Variants in TMEM132D observed in about 807,000 individuals in gnomAD.
TMEM132D encodes the protein transmembrane protein 132D.
A neutral mutation model predicts 62.3 loss-of-function variants in TMEM132D; 21 were observed. The ratio of observed to expected loss-of-function variants is 0.34; its 90% CI spans 0.24 to 0.49. The LOEUF is 0.49. Among genes scored for constraint, TMEM132D ranks in the 20% least tolerant of loss-of-function variants. TMEM132D has a pLI of 0.99. For synonymous variants in TMEM132D, 621 were observed against 575.6 expected, an observed-to-expected ratio of 1.08 and a Z score of -1.13; for missense variants, 1,346 against 1,402.8, an observed-to-expected ratio of 0.96 and a Z score of 0.65.
At chr12:129,161,384 A>G (rs1480914309) in intron 5 of TMEM132D, among the ~76,000 whole-genome samples, 1 of 152,200 alleles carries the variant, frequency 6.6e-6, no homozygotes, top group Non-Finnish European at 1.5e-5. Flanking sequence ...AAAATCCAGG[A>G]CTTTCCAGTG....
chr12:129,257,280 C>G (rs1880432320), intron 4 of TMEM132D, among the ~76,000 whole-genome samples: 1 of 149,968 alleles, frequency 6.7e-6, no homozygotes, highest in Non-Finnish European at 1.5e-5. Flanking sequence ...GATCTCGGCT[C>G]ACTGCAAGCT....
At chr12:129,215,597 C>T (rs1285148501) in intron 4 of TMEM132D, among the ~76,000 whole-genome samples, 2 of 152,180 alleles carry the variant, frequency 1.3e-5, no homozygotes, top group Non-Finnish European at 2.9e-5. Flanking sequence ...AGTTAAACCG[C>T]ATCTTGTGAC....
intron 3 of TMEM132D, among the ~76,000 whole-genome samples, chr12:129,406,000 T>C (rs934952758): frequency 6.6e-6 from 1 of 152,220 alleles, no homozygotes; most frequent in Admixed American, 6.5e-5. Context: ...TAAAACCCAA[T>C]TCATTAATTC....
At chr12:129,472,990 G>C (rs1203579870) in intron 3 of TMEM132D, among the ~76,000 whole-genome samples, 2 of 151,914 alleles carry the variant, frequency 1.3e-5, no homozygotes, top group South Asian at 4.2e-4. Flanking sequence ...TCAGCCTCCT[G>C]AGCAGCTGGG....
chr12:129,356,671 A>AATAC (rs1870063238), intron 3 of TMEM132D, among the ~76,000 whole-genome samples: 2 of 147,736 alleles, frequency 1.4e-5, no homozygotes, highest in Non-Finnish European at 3.0e-5. Flanking sequence ...TAAATAAATA[A>AATAC]ATAAATAAAT....
Position 129,331,763 on chromosome 12 carries a change from G to A in TMEM132D, c.1299+5871C>T, listed in dbSNP as rs1013129364. Reference sequence around the variant, plus strand: ...TAAAGTATATACCTATCAGTGCCATGACCCCTGAACACTGGTGTAAACTTG... The same window carrying A: ...TAAAGTATATACCTATCAGTGCCATAACCCCTGAACACTGGTGTAAACTTG... On this transcript the variant is annotated intron_variant, in intron 4 of 8. Transcript: ENST00000422113. Among the ~76,000 whole-genome samples the A allele has an allele frequency of 2.6e-5, 4 of 152,346 alleles. No homozygotes were observed. The East Asian group carries it at 7.7e-4, about 29-fold the overall frequency.
At chr12:129,842,097 A>ATTTTTTTTTTTTTTTTT (rs746315309) in intron 1 of TMEM132D, among the ~76,000 whole-genome samples, 7 of 97,446 alleles carry the variant, frequency 7.2e-5, no homozygotes, top group African/African-American at 8.3e-5. Context: ...CGCCCGGCTA[A>ATTTTTTTTTTTTTTTTT]TTTTTTTTTT....
chr12:129,121,363 C>T (rs1375199533), intron 5 of TMEM132D, among the ~76,000 whole-genome samples: 2 of 152,160 alleles, frequency 1.3e-5, no homozygotes, highest in African/African-American at 2.4e-5. Flanking sequence ...TCCCAAAGTG[C>T]TGGGATTACA....
chr12:129,736,349 G>T (rs775066308), intron 1 of TMEM132D, among the ~76,000 whole-genome samples: 1 of 152,258 alleles, frequency 6.6e-6, no homozygotes, highest in South Asian at 2.1e-4. Context: ...AATACAGCTC[G>T]TGGAGAGAAA....
chr12:129,284,088 C>A (rs1312710444), intron 4 of TMEM132D, among the ~76,000 whole-genome samples: 3 of 152,252 alleles, frequency 2.0e-5, no homozygotes, highest in Non-Finnish European at 4.4e-5. Flanking sequence ...TCACAGCTGG[C>A]AGCCAGCAGC....
chr12:129,321,666 C>T (rs1389260689), intron 4 of TMEM132D, among the ~76,000 whole-genome samples: 1 of 152,174 alleles, frequency 6.6e-6, no homozygotes, highest in Non-Finnish European at 1.5e-5. Context: ...ACGCCATTCT[C>T]CTGCTTCAGC....
chr12:129,111,825 G>A (rs918674262), intron 5 of TMEM132D, among the ~76,000 whole-genome samples: 4 of 152,070 alleles, frequency 2.6e-5, no homozygotes, highest in East Asian at 1.9e-4. Flanking sequence ...TGTCCAAAAC[G>A]TGCATTTCGA....
rs1427761056 is a variant in TMEM132D, at chr12:129,827,839, TAA to T, written c.79+75420_79+75421del. On this transcript the variant is annotated intron_variant, in intron 1 of 8. Transcript: ENST00000422113. This position sits in a 1 kb window ranked among gnomAD's most constrained non-coding sequence, Gnocchi z 9.7. Reference sequence around the variant, plus strand: ...ATGGAAACTGAGAAAGCACAGCCATTAAAAAATAAAATATGTATAAGCTGCCT... The same window carrying T: ...ATGGAAACTGAGAAAGCACAGCCATTAAAATAAAATATGTATAAGCTGCCT... 6.6e-6 allele frequency among the ~76,000 whole-genome samples: 1 copy of T among 152,136 alleles called. No individual in the cohort carries two copies. The highest frequency in any genetic ancestry group is 1.5e-5 in the Non-Finnish European group (1 of 68,028).
chr12:129,682,997 C>G (rs1399932032), intron 2 of TMEM132D: 1 of 152,010 alleles, frequency 6.6e-6, no homozygotes, highest in Non-Finnish European at 1.5e-5. Flanking sequence ...CTCATCCTCA[C>G]AGCATCAGTC....
At chr12:129,385,317 G>A (rs1227999985) in intron 3 of TMEM132D, among the ~76,000 whole-genome samples, 2 of 151,904 alleles carry the variant, frequency 1.3e-5, no homozygotes, top group Non-Finnish European at 2.9e-5. Flanking sequence ...TATTGGCCAA[G>A]CTGGTCTCAA....
chr12:129,180,517 A>G (rs1878035856), intron 5 of TMEM132D, among the ~76,000 whole-genome samples: 1 of 152,226 alleles, frequency 6.6e-6, no homozygotes, highest in African/African-American at 2.4e-5. Flanking sequence ...GCCATCAAGA[A>G]TATGATGAAT....
Position 129,700,049 on chromosome 12 carries a change from G to A in TMEM132D, c.729C>T (p.Asp243=), listed in dbSNP as rs76591377. 1.3e-3 allele frequency: 2,032 copies of A among 1,613,788 alleles called. 4 individuals are homozygous for A. The highest frequency in any genetic ancestry group is 1.2e-3 in the Non-Finnish European group (1,368 of 1,180,040). ...TCCGGATCCCATTGCTTCTCCTCGC[G>A]TCTTCCCTGACGCAGTCCCCTCTCT... ...GGERGDCVRE[D]ARRSNGIRTG... is the part of the protein sequence containing the mutation. Residue 243 remains aspartate, a synonymous_variant, in exon 2 of 9, where the codon GAC becomes GAT. Coordinates refer to ENST00000422113, the MANE Select transcript of TMEM132D (RefSeq NM_133448.3).
At chr12:129,733,338 G>C (rs1300482251) in intron 1 of TMEM132D, among the ~76,000 whole-genome samples, 5 of 152,122 alleles carry the variant, frequency 3.3e-5, no homozygotes, top group Non-Finnish European at 7.3e-5. Flanking sequence ...GAAGTAAATT[G>C]CATTGTAGGT....
intron 3 of TMEM132D, among the ~76,000 whole-genome samples, chr12:129,444,381 A>C (rs1002442227): frequency 3.7e-5 from 5 of 134,860 alleles, no homozygotes; most frequent in African/African-American, 1.6e-4. Flanking sequence ...CCTAATATCC[A>C]GTATTCATAA....
Sources: gnomAD v4.1 joint callset for allele counts (sites outside exome capture counted in the v4.1 genomes callset) on GRCh38, gnomAD v4.1.1 for gene constraint, Gnocchi (gnomAD v3.1) non-coding constraint, MANE v1.5 for transcripts, NCBI Gene and HGNC (gene_info 2026-07-23, HGNC 2026-07-21) for gene names.